The following CCSER1 variants were observed in gnomAD, a reference collection of about 807,000 sequenced individuals.
CCSER1 encodes coiled-coil serine rich protein 1, also known as serine-rich coiled-coil domain-containing protein 1.
A neutral mutation model predicts 82.0 loss-of-function variants in CCSER1; 41 were observed. That is an observed-to-expected ratio of 0.50 (90% CI 0.39 to 0.65). The LOEUF is 0.65. Among genes scored for constraint, CCSER1 ranks in the 30% least tolerant of loss-of-function variants. The probability of loss-of-function intolerance (pLI) is 0.00; values close to 1 mark genes in which losing one functional copy is unlikely to be tolerated. For synonymous variants in CCSER1, 414 were observed against 383.9 expected, an observed-to-expected ratio of 1.08 and a Z score of -0.92; for missense variants, 1,119 against 1,064.2, an observed-to-expected ratio of 1.05 and a Z score of -0.72.
intron 10 of CCSER1, among the ~76,000 whole-genome samples, chr4:91,226,043 T>G (rs755472598): frequency 4.7e-4 from 71 of 152,002 alleles, no homozygotes; most frequent in Non-Finnish European, 1.5e-4. Flanking sequence ...TTAGGGTACA[T>G]GTACACAATG....
intron 5 of CCSER1, among the ~76,000 whole-genome samples, chr4:90,561,418 A>C (rs1157350340): frequency 6.6e-6 from 1 of 152,216 alleles, no homozygotes; most frequent in Non-Finnish European, 1.5e-5. Context: ...TATATCTTTA[A>C]TTTAGCTGAA....
At chr4:90,405,153 A>C (rs1560463767) in intron 4 of CCSER1, among the ~76,000 whole-genome samples, 2 of 152,092 alleles carry the variant, frequency 1.3e-5, no homozygotes, top group Admixed American at 1.3e-4. Flanking sequence ...AATGAAATAG[A>C]TAGCATAAAT....
chr4:91,392,618 G>A (rs953459841), intron 10 of CCSER1, among the ~76,000 whole-genome samples: 1 of 151,996 alleles, frequency 6.6e-6, no homozygotes, highest in Non-Finnish European at 1.5e-5. Context: ...TTTCTTTAGA[G>A]TCATATATAT....
chr4:90,406,277 T>C (rs1753706529), intron 4 of CCSER1, among the ~76,000 whole-genome samples: 1 of 152,164 alleles, frequency 6.6e-6, no homozygotes. Context: ...AGGGACACTA[T>C]ATAATGATAA....
intron 10 of CCSER1, among the ~76,000 whole-genome samples, chr4:91,550,685 T>C (rs1254430820): frequency 3.3e-5 from 5 of 152,186 alleles, no homozygotes; most frequent in Admixed American, 2.0e-4. Flanking sequence ...TCATACCATA[T>C]CTTACTCATA....
intron 7 of CCSER1, among the ~76,000 whole-genome samples, chr4:90,785,396 C>A (rs916290106): frequency 1.3e-5 from 2 of 152,242 alleles, no homozygotes; most frequent in East Asian, 1.9e-4. Flanking sequence ...AATCCTGTGA[C>A]TTGACTGGCT....
chr4:90,973,541 C>A (rs62309785), intron 9 of CCSER1, among the ~76,000 whole-genome samples: 38,895 of 151,454 alleles, frequency 0.26, 5,574 homozygotes, highest in Non-Finnish European at 0.32. Flanking sequence ...AGAGAAAAAG[C>A]AACCCTTGTA....
intron 10 of CCSER1, among the ~76,000 whole-genome samples, chr4:91,477,089 T>C (rs1333547362): frequency 6.6e-6 from 1 of 151,276 alleles, no homozygotes; most frequent in East Asian, 1.9e-4. Context: ...TGCTAAAAGG[T>C]TTCTTCACAG....
chr4:91,119,091 G>A (rs1320045149), intron 10 of CCSER1, among the ~76,000 whole-genome samples: 1 of 152,106 alleles, frequency 6.6e-6, no homozygotes, highest in Admixed American at 6.6e-5. Flanking sequence ...AGGGGCAGAT[G>A]TTCTTTTCTG....
chr4:91,196,699 G>A (rs75585586), intron 10 of CCSER1, among the ~76,000 whole-genome samples: 6,578 of 152,218 alleles, frequency 0.043, 259 homozygotes, highest in East Asian at 0.094. Flanking sequence ...CATTTTGTGA[G>A]GTGGCTTTCA....
At chr4:91,200,075 A>C (rs1018395445) in intron 10 of CCSER1, among the ~76,000 whole-genome samples, 3 of 152,048 alleles carry the variant, frequency 2.0e-5, no homozygotes, top group Non-Finnish European at 4.4e-5. Flanking sequence ...GTTCCAGCAA[A>C]CAGTGGATGA....
chr4:90,610,268 T>C (rs1341551216), intron 5 of CCSER1, among the ~76,000 whole-genome samples: 1 of 148,464 alleles, frequency 6.7e-6, no homozygotes, highest in Non-Finnish European at 1.5e-5. Context: ...AATAAATAAA[T>C]AAATAAATAA....
intron 7 of CCSER1, among the ~76,000 whole-genome samples, chr4:90,741,390 G>A (rs1423645215): frequency 1.3e-4 from 20 of 152,128 alleles, no homozygotes; most frequent in Admixed American, 1.3e-3. Context: ...TTCTGTTCCT[G>A]AACACCTGTT....
intron 9 of CCSER1, among the ~76,000 whole-genome samples, chr4:90,998,171 C>T (rs1280305112): frequency 6.6e-6 from 1 of 152,098 alleles, no homozygotes; most frequent in Non-Finnish European, 1.5e-5. Context: ...ACCTCTGCCA[C>T]CCGAGTTCAA....
intron 10 of CCSER1, among the ~76,000 whole-genome samples, chr4:91,162,284 C>A (rs1400160518): frequency 6.6e-6 from 1 of 152,148 alleles, no homozygotes; most frequent in African/African-American, 2.4e-5. Context: ...ATGAAGTCGA[C>A]TTCATAGTGG....
At chr4:90,629,223 A>G (rs1408592413) in intron 6 of CCSER1, among the ~76,000 whole-genome samples, 1 of 152,194 alleles carries the variant, frequency 6.6e-6, no homozygotes, top group Admixed American at 6.5e-5. Context: ...TATAAAAGAA[A>G]TGAATGCCAT....
chr4:90,648,301 G>GGAAAGAAAGAA (rs1553969732), intron 6 of CCSER1, among the ~76,000 whole-genome samples: 3 of 67,622 alleles, frequency 4.4e-5, no homozygotes, highest in African/African-American at 1.2e-4. Context: ...AAGAAAGAAA[G>GGAAAGAAAGAA]AAAGAAAGAA....
In CCSER1 at chr4:90,960,221, A is replaced by G. The variant is rs1472798256; in HGVS notation, c.2172+36774A>G. Among the ~76,000 whole-genome samples the G allele has an allele frequency of 2.0e-5, 3 of 152,278 alleles. No homozygotes were observed. In the East Asian group the frequency reaches 5.8e-4, roughly 29 times the overall value. On this transcript the variant is annotated intron_variant, in intron 9 of 10. Transcript: ENST00000509176. The stretch of plus-strand genomic sequence containing the variant: ...TTTACGTAATGCTTTTATATGCAAA[A>G]CATCATGAAGCATAGTTCAAGAATA...
intron 7 of CCSER1, among the ~76,000 whole-genome samples, chr4:90,765,600 T>G (rs1402256288): frequency 6.6e-6 from 1 of 152,174 alleles, no homozygotes; most frequent in Non-Finnish European, 1.5e-5. Flanking sequence ...TCATATAATT[T>G]TTTTTAATGC....
Sources: allele counts gnomAD v4.1 joint callset (sites outside exome capture counted in the v4.1 genomes callset), GRCh38; gene constraint gnomAD v4.1.1; transcripts MANE v1.5; gene names NCBI Gene and HGNC (gene_info 2026-07-23, HGNC 2026-07-21).